Variants in C1QTNF1 observed in about 807,000 individuals in gnomAD.
The protein encoded by C1QTNF1 is complement C1q tumor necrosis factor-related protein 1.
In C1QTNF1, 22 loss-of-function variants were observed where a neutral mutation model predicts 27.8. That is an observed-to-expected ratio of 0.79 (90% CI 0.56 to 1.13). The LOEUF (loss-of-function observed/expected upper bound fraction) is 1.13, where lower values mean the gene tolerates loss of function less well. C1QTNF1 is among the 50% of genes most tolerant of loss of function. C1QTNF1 has a pLI of 0.00. For synonymous variants in C1QTNF1, 166 were observed against 154.3 expected (o/e 1.08, Z -0.56); for missense variants, 373 against 380.2 (o/e 0.98, Z 0.16).
intron 1 of C1QTNF1, among the ~76,000 whole-genome samples, chr17:79,033,609 G>T (rs2072192301): frequency 6.6e-6 from 1 of 152,038 alleles, no homozygotes; most frequent in African/African-American, 2.4e-5. Flanking sequence ...GGGAGGCTGA[G>T]ATGGGAGGAT....
At chr17:79,029,440 G>A (rs2072067923) in intron 1 of C1QTNF1, among the ~76,000 whole-genome samples, 1 of 152,194 alleles carries the variant, frequency 6.6e-6, no homozygotes, top group Non-Finnish European at 1.5e-5. Context: ...GGTATTCTAA[G>A]GATTAGGCAT....
rs538374620 is a variant in C1QTNF1, at chr17:79,048,292, G to A, written c.*204G>A. 5.0e-6 allele frequency: 3 copies of A among 598,110 alleles called. No individual in the cohort carries two copies. Among genetic ancestry groups the A allele is most frequent in the South Asian group, 2.6e-5 (1 of 37,756 alleles). 37.1% of individuals were successfully genotyped at this position (598,110 alleles called of 1,614,324 possible). ...TGACGGCAGATGAAATCACCAGGGCGGGGCACCCGCGAGAACCCTCTGGGA... is the reference window on the plus strand; with the variant it reads ...TGACGGCAGATGAAATCACCAGGGCAGGGCACCCGCGAGAACCCTCTGGGA... On this transcript the variant is annotated 3_prime_UTR_variant, in exon 4 of 4. Coordinates refer to ENST00000579760, the MANE Select transcript of C1QTNF1 (RefSeq NM_030968.5).
chr17:79,041,360 G>C (rs984816986), intron 1 of C1QTNF1, among the ~76,000 whole-genome samples: 3 of 152,170 alleles, frequency 2.0e-5, no homozygotes, highest in East Asian at 1.9e-4. Flanking sequence ...GTTCGGGGGG[G>C]CCAGCCTTGC....
At position 79,046,980 on chromosome 17, in the gene C1QTNF1, A is replaced by G; in HGVS notation, c.295+286A>G. 1 of 433,912 alleles carries G rather than the reference A, an allele frequency of 2.3e-6. No individual in the cohort carries two copies. The highest frequency in any genetic ancestry group is 4.1e-5 in the East Asian group (1 of 24,232). The allele number at this position is 433,912 out of a possible 1,614,324, so 26.9% of individuals were successfully genotyped here. ...GTCTCGTCCCTCCAGTTGTATGTGG[A>G]CGCCAGGCTTCTAGGCCCTTTGCTT... is the stretch of plus-strand genomic sequence containing the variant. On this transcript the variant is annotated intron_variant, in intron 3 of 3. Coordinates refer to ENST00000579760, the MANE Select transcript of C1QTNF1 (RefSeq NM_030968.5). The surrounding 1 kb of genome is among the most constrained non-coding windows in gnomAD (Gnocchi z 4.8).
chr17:79,043,577 T>C (rs2072480333), intron 1 of C1QTNF1: 2 of 438,612 alleles, frequency 4.6e-6, no homozygotes, highest in South Asian at 3.4e-5. Flanking sequence ...TGTACATGTG[T>C]GTGGATTACA....
chr17:79,029,023 T>C (rs937239446), intron 1 of C1QTNF1, among the ~76,000 whole-genome samples: 6 of 152,106 alleles, frequency 3.9e-5, no homozygotes, highest in Non-Finnish European at 7.4e-5. Flanking sequence ...TCTTAGCACA[T>C]TGCATCAAGG....
At position 79,047,799 on chromosome 17, in the gene C1QTNF1, A is replaced by G. The variant is rs1185639217; in HGVS notation, c.557A>G (p.Tyr186Cys). 7 of 1,614,126 alleles carry G rather than the reference A, an allele frequency of 4.3e-6. No individual in the cohort carries two copies. The highest frequency in any genetic ancestry group is 2.2e-5 in the South Asian group (2 of 91,070). The change falls in exon 4 of 4, where the codon TAC (tyrosine) becomes TGC (cysteine). Residue 186 changes from tyrosine (Y) to cysteine (C), a missense_variant. Tyr to Cys is a radical substitution (Grantham distance 194, BLOSUM62 -2). Coordinates refer to ENST00000579760, the MANE Select transcript of C1QTNF1 (RefSeq NM_030968.5). ...TTCAACATGTTCACCGGCAAGTTCT[A>G]CTGCTACGTGCCCGGCCTCTACTTC... ...DHFNMFTGKF[Y>C]CYVPGLYFFS...
intron 1 of C1QTNF1, chr17:79,026,013 C>A: frequency 4.1e-6 from 1 of 244,466 alleles, no homozygotes; most frequent in Admixed American, 4.4e-5. Context: ...ATAGTTAATT[C>A]TCAACACTTC....
At chr17:79,045,002 G>A (rs1479689477) in intron 2 of C1QTNF1, among the ~76,000 whole-genome samples, 2 of 152,082 alleles carry the variant, frequency 1.3e-5, no homozygotes, top group Non-Finnish European at 2.9e-5. Flanking sequence ...CACAGTCCTG[G>A]CCTCCAGGAG....
intron 1 of C1QTNF1, among the ~76,000 whole-genome samples, chr17:79,036,057 C>G (rs188341665): frequency 6.6e-6 from 1 of 152,356 alleles, no homozygotes; most frequent in African/African-American, 2.4e-5. Context: ...CACAGTTACT[C>G]TTCCTCCTTG....
intron 1 of C1QTNF1, among the ~76,000 whole-genome samples, chr17:79,040,271 G>A (rs1244061985): frequency 2.0e-5 from 3 of 152,192 alleles, no homozygotes; most frequent in Non-Finnish European, 4.4e-5. Flanking sequence ...ACGAGCCGGG[G>A]AAACACGGTG....
chr17:79,039,553 T>C (rs1028432453), intron 1 of C1QTNF1, among the ~76,000 whole-genome samples: 1 of 152,152 alleles, frequency 6.6e-6, no homozygotes, highest in Non-Finnish European at 1.5e-5. Context: ...CTAGGGAGAC[T>C]GAGGCAGGAG....
chr17:79,040,287 G>A (rs552032948), intron 1 of C1QTNF1, among the ~76,000 whole-genome samples: 2 of 152,266 alleles, frequency 1.3e-5, no homozygotes, highest in South Asian at 2.1e-4. Context: ...CGGTGAAACC[G>A]TGTCTTTACG....
chr17:79,043,281 T>C (rs900283858), intron 1 of C1QTNF1: 1 of 452,430 alleles, frequency 2.2e-6, no homozygotes. Flanking sequence ...GTGTTGAGAG[T>C]GTGCATGTGA....
In C1QTNF1 at chr17:79,043,986, G is replaced by T; in HGVS notation, c.18G>T (p.Gln6His). 6.2e-7 allele frequency: 1 copy of T among 1,614,176 alleles called. No homozygotes were observed. The highest frequency in any genetic ancestry group is 8.5e-7 in the Non-Finnish European group (1 of 1,180,026). The stretch of plus-strand genomic sequence containing the variant: ...GCAGGAAGATGGGCTCCCGTGGACA[G>T]GGACTCTTGCTGGCGTACTGCCTGC... MGSRG[Q>H]GLLLAYCLLL... The change falls in exon 2 of 4, where the codon CAG (glutamine) becomes CAT (histidine). Residue 6 changes from glutamine (Q) to histidine (H), a missense_variant. Physicochemically the swap from Gln to His is conservative, Grantham distance 24. Coordinates refer to ENST00000579760, the MANE Select transcript of C1QTNF1 (RefSeq NM_030968.5).
chr17:79,030,485 TTTTC>T (rs199746385), intron 1 of C1QTNF1, among the ~76,000 whole-genome samples: 7,559 of 121,726 alleles, frequency 0.062, 267 homozygotes, highest in Admixed American at 0.083. Flanking sequence ...CTTTCTTTCT[TTTTC>T]TTTCTTTCTT....
intron 1 of C1QTNF1, among the ~76,000 whole-genome samples, chr17:79,040,348 C>T (rs1006689976): frequency 1.3e-5 from 2 of 152,158 alleles, no homozygotes; most frequent in Non-Finnish European, 2.9e-5. Context: ...GCCTGTAGTC[C>T]CAGCTGCTTG....
rs892062425 is a variant in C1QTNF1, at chr17:79,043,952, C to G, written c.-14-3C>G. On this transcript the variant is annotated splice_region_variant and splice_polypyrimidine_tract_variant and intron_variant, in intron 1 of 3. Coordinates refer to ENST00000579760, the MANE Select transcript of C1QTNF1 (RefSeq NM_030968.5). ...CCTTCCCTGTGTGTTTCTTTCCCAC[C>G]AGGGCCCGGCAGGAAGATGGGCTCC... The G allele has an allele frequency of 1.5e-5, 25 of 1,613,736 alleles. No individual in the cohort carries two copies. In the Admixed American group the frequency reaches 2.5e-4, roughly 16 times the overall value.
Position 79,024,407 on chromosome 17 carries a change from T to C in C1QTNF1, c.-102T>C, listed in dbSNP as rs2071864176. On this transcript the variant is annotated 5_prime_UTR_variant, in exon 1 of 4. Coordinates refer to ENST00000579760, the MANE Select transcript of C1QTNF1 (RefSeq NM_030968.5). ...TGCTCTGTTTCCTTCACCGAGTCTG[T>C]GCATCGCCCCGGACCTGGCCGGGAG... 1 of 152,240 alleles carries C rather than the reference T, an allele frequency of 6.6e-6. No homozygotes were observed. Among genetic ancestry groups the C allele is most frequent in the Admixed American group, 6.5e-5 (1 of 15,278 alleles). 9.4% of individuals were successfully genotyped at this position (152,240 alleles called of 1,614,324 possible). A position where few individuals can be genotyped will look rare whatever the true frequency, so the allele number is the denominator to read the frequency against.
Sources: allele counts gnomAD v4.1 joint callset (sites outside exome capture counted in the v4.1 genomes callset), GRCh38; gene constraint gnomAD v4.1.1; non-coding constraint Gnocchi (gnomAD v3.1); transcripts MANE v1.5; gene names NCBI Gene and HGNC (gene_info 2026-07-23, HGNC 2026-07-21).